FANCA: variants seen among roughly 807,000 people sequenced by gnomAD.
The protein encoded by FANCA is Fanconi anemia group A protein.
Under a neutral mutation model 194.3 loss-of-function variants are expected in FANCA, and 236 were observed. The observed-to-expected ratio is 1.21, with a 90% CI of 1.09 to 1.35. The LOEUF is 1.35. FANCA is among the 40% of genes most tolerant of loss of function. The probability of loss-of-function intolerance (pLI) is 0.00; values close to 1 mark genes in which losing one functional copy is unlikely to be tolerated. For synonymous variants in FANCA, 1,014 were observed against 715.8 expected (o/e 1.42, Z -6.65); for missense variants, 2,628 against 1,813.9 (o/e 1.45, Z -8.15).
rs199552612 is a variant in FANCA at position 89,811,052 on chromosome 16, T to C, written c.303A>G (p.Gln101=). 105 of 1,614,048 alleles carry C rather than the reference T, an allele frequency of 6.5e-5. No homozygotes were observed. The highest frequency in any genetic ancestry group is 1.6e-5 in the Non-Finnish European group (19 of 1,180,042). ...SSFIGSALQD[Q]ASRLGVPVGI... is the part of the protein sequence containing the mutation. ...CCACGGGAACCCCCAGCCTTGAGGC[T>C]TGATCCTGCAAAGCAGAGCCTTAAA... The change falls in exon 4 of 43, where the codon CAA becomes CAG. Residue 101 remains glutamine (Q), a synonymous_variant. Transcript: ENST00000389301.
At chr16:89,771,842 G>A (rs372424587) in intron 22 of FANCA, 28 bp from the exon 23 acceptor site, 3 of 1,612,876 alleles carry the variant, frequency 1.9e-6, no homozygotes, top group South Asian at 2.2e-5. Context: ...AGTTAGGGAT[G>A]ACAAGAACCC....
chr16:89,773,459 C>T (rs897440658), intron 21 of FANCA, 75 bp from the exon 22 acceptor site: 1 of 1,033,422 alleles, frequency 9.7e-7, no homozygotes, highest in East Asian at 2.6e-5. Context: ...AAACTTCACA[C>T]AGTCAAATAC....
chr16:89,790,765 G>C (rs531868314), intron 14 of FANCA, among the ~76,000 whole-genome samples: 1 of 151,648 alleles, frequency 6.6e-6, no homozygotes, highest in African/African-American at 2.4e-5. Flanking sequence ...GAAAATAAGA[G>C]ACATTGTATA....
chr16:89,784,441 C>G (rs1413561889), intron 15 of FANCA, among the ~76,000 whole-genome samples: 1 of 131,246 alleles, frequency 7.6e-6, no homozygotes, highest in African/African-American at 2.8e-5. Flanking sequence ...AAAAAAAAAG[C>G]AAACATGAGA....
intron 22 of FANCA, among the ~76,000 whole-genome samples, chr16:89,773,066 G>A (rs998355439): frequency 6.6e-6 from 1 of 152,126 alleles, no homozygotes; most frequent in South Asian, 2.1e-4. Context: ...TCTGCCAAGG[G>A]TCTGTGACAG....
chr16:89,791,594 CGT>C, intron 13 of FANCA, 58 bp from the exon 14 acceptor site: 1 of 1,607,400 alleles, frequency 6.2e-7, no homozygotes, highest in South Asian at 1.1e-5. Flanking sequence ...AGGAACATGA[CGT>C]GAGTTATGCT....
rs1225307143 is a variant in FANCA, at chr16:89,773,272, A to G, written c.2013T>C (p.Asp671=). ...RASMTDPSQR[D]VISAQVAVIS... is the part of the protein sequence containing the mutation. Reference sequence around the variant, plus strand: ...GCATGAGCTCCCATCCATCCTCACCATCACGCTGGCTGGGGTCTGTCATGG... The same window carrying G: ...GCATGAGCTCCCATCCATCCTCACCGTCACGCTGGCTGGGGTCTGTCATGG... Residue 671 remains aspartate (D), a splice_region_variant and synonymous_variant, in exon 22 of 43, where the codon GAT becomes GAC. Transcript: ENST00000389301. 11 of 1,549,302 alleles carry G rather than the reference A, an allele frequency of 7.1e-6. No individual in the cohort carries two copies. The highest frequency in any genetic ancestry group is 9.6e-6 in the Non-Finnish European group (11 of 1,145,442).
chr16:89,780,529 T>A (rs2039663835), intron 17 of FANCA, among the ~76,000 whole-genome samples: 2 of 149,402 alleles, frequency 1.3e-5, no homozygotes, highest in Non-Finnish European at 3.0e-5. Flanking sequence ...GACGTGGAGG[T>A]GGAAGGATTG....
At chr16:89,789,539 T>G (rs1315363111) in intron 14 of FANCA, among the ~76,000 whole-genome samples, 2 of 148,838 alleles carry the variant, frequency 1.3e-5, no homozygotes, top group Admixed American at 6.8e-5. Context: ...CTCCTCGGCT[T>G]AAGTAATCAT....
chr16:89,746,818 G>C lies in FANCA; in HGVS notation c.3408+13C>G, dbSNP rs1230995680. 1 of 1,569,044 alleles carries C rather than the reference G, an allele frequency of 6.4e-7. No homozygotes were observed. The highest frequency in any genetic ancestry group is 1.4e-5 in the African/African-American group (1 of 73,758). On this transcript the variant is annotated intron_variant, in intron 34 of 42. Coordinates refer to ENST00000389301, the MANE Select transcript of FANCA (RefSeq NM_000135.4). ...CTGAGAAGGCCACGAGAGGGGCTGA[G>C]GGAGCATCTCACCCTGAAGAAGTGG...
chr16:89,747,310 A>C (rs1347498509), intron 33 of FANCA, among the ~76,000 whole-genome samples: 1 of 152,200 alleles, frequency 6.6e-6, no homozygotes, highest in East Asian at 1.9e-4. Context: ...GCCAACTGAG[A>C]GCTTTCTGAA....
At chr16:89,804,422 G>A (rs1002709798) in intron 7 of FANCA, among the ~76,000 whole-genome samples, 1 of 152,160 alleles carries the variant, frequency 6.6e-6, no homozygotes, top group Non-Finnish European at 1.5e-5. Flanking sequence ...AGGTGGTGGG[G>A]CGGTTCTCTA....
chr16:89,811,285 C>T (rs1253613065), intron 3 of FANCA, among the ~76,000 whole-genome samples: 1 of 152,166 alleles, frequency 6.6e-6, no homozygotes, highest in Non-Finnish European at 1.5e-5. Context: ...AACACCTGAA[C>T]CCAGAGTTAT....
chr16:89,795,113 C>G (rs17226096), intron 11 of FANCA, among the ~76,000 whole-genome samples: 1 of 145,570 alleles, frequency 6.9e-6, no homozygotes, highest in African/African-American at 2.5e-5. Context: ...GGTGAAAGCC[C>G]GTCTCTACTA....
At chr16:89,810,538 C>T in intron 5 of FANCA, 169 bp downstream of exon 5, 1 of 640,146 alleles carries the variant, frequency 1.6e-6, no homozygotes, top group South Asian at 1.8e-5. Context: ...ATTGAAGGTA[C>T]TTCTTTCCAA....
intron 30 of FANCA, among the ~76,000 whole-genome samples, chr16:89,754,769 G>A (rs1337091596): frequency 6.6e-6 from 1 of 152,156 alleles, no homozygotes; most frequent in Non-Finnish European, 1.5e-5. Context: ...AATCACTGGT[G>A]TTTCTATACG....
intron 30 of FANCA, among the ~76,000 whole-genome samples, chr16:89,755,306 G>T (rs2038731929): frequency 6.6e-6 from 1 of 151,484 alleles, no homozygotes; most frequent in Non-Finnish European, 1.5e-5. Flanking sequence ...CGCCTCCCAG[G>T]TTCAAGCAAG....
chr16:89,759,218 G>A (rs1391452583), intron 29 of FANCA, among the ~76,000 whole-genome samples: 2 of 150,570 alleles, frequency 1.3e-5, no homozygotes, highest in African/African-American at 4.9e-5. Flanking sequence ...TACTCAGGAG[G>A]CTGAGGCAGG....
Position 89,770,634 on chromosome 16 carries a change from C to A in FANCA, c.2152G>T (p.Ala718Ser). 6.2e-7 allele frequency: 1 copy of A among 1,607,752 alleles called. No individual in the cohort carries two copies. Among genetic ancestry groups the A allele is most frequent in the Non-Finnish European group, 8.5e-7 (1 of 1,176,944 alleles). The stretch of plus-strand genomic sequence containing the variant: ...AAAGACGTCAGCAGGAGGTCCACAG[C>A]CTGCAGAGACACAGTTCTCATGAGC... ...TPRLEPREHMAVDLLLTSFCQ... is the reference protein window; with the variant it reads ...TPRLEPREHMSVDLLLTSFCQ... The change falls in exon 24 of 43, where the codon GCT (alanine) becomes TCT (serine). Residue 718 changes from alanine to serine, a missense_variant and splice_region_variant. Physicochemically the swap from Ala to Ser is moderately conservative, Grantham distance 99. Coordinates refer to ENST00000389301, the MANE Select transcript of FANCA (RefSeq NM_000135.4).
Sources: allele counts gnomAD v4.1 joint callset (sites outside exome capture counted in the v4.1 genomes callset), GRCh38; gene constraint gnomAD v4.1.1; transcripts MANE v1.5; gene names NCBI Gene and HGNC (gene_info 2026-07-23, HGNC 2026-07-21).